The following SNX29 variants were observed in gnomAD, a reference collection of about 807,000 sequenced individuals.
The protein encoded by SNX29 is sorting nexin-29.
In SNX29, 78 loss-of-function variants were observed where a neutral mutation model predicts 102.1. The observed-to-expected ratio is 0.76, with a 90% CI of 0.64 to 0.92. SNX29 has a LOEUF of 0.92. Among genes scored for constraint, SNX29 ranks in the 40% least tolerant of loss-of-function variants. The pLI is 0.00. For synonymous variants in SNX29, 580 were observed against 414.5 expected (o/e 1.40, Z -4.85); for missense variants, 1,280 against 1,061.7 (o/e 1.21, Z -2.86).
Position 12,570,767 on chromosome 16 carries a change from C to T in SNX29, c.*2138C>T, listed in dbSNP as rs538017173. On this transcript the variant is annotated 3_prime_UTR_variant, in exon 21 of 21. Coordinates refer to ENST00000566228, the MANE Select transcript of SNX29 (RefSeq NM_032167.5). ...GAGGAAGCACCTTGGACATTCTGCA[C>T]ATGATAATAATGCAACAGTCCCCCA... The T allele has an allele frequency of 1.0e-4, 19 of 184,464 alleles. No individual in the cohort carries two copies. Among genetic ancestry groups the T allele is most frequent in the Non-Finnish European group, 1.6e-4 (16 of 101,308 alleles). 11.4% of individuals were successfully genotyped at this position (184,464 alleles called of 1,614,324 possible).
At chr16:12,359,481 A>G (rs1258495394) in intron 16 of SNX29, among the ~76,000 whole-genome samples, 4 of 152,184 alleles carry the variant, frequency 2.6e-5, no homozygotes, top group Non-Finnish European at 4.4e-5. Flanking sequence ...ACTGCACAGT[A>G]TTTGGTTTTC....
chr16:12,137,621 C>T (rs1014948321), intron 13 of SNX29, among the ~76,000 whole-genome samples: 1 of 152,230 alleles, frequency 6.6e-6, no homozygotes, highest in African/African-American at 2.4e-5. Context: ...GGCTTTAAAT[C>T]TCACACTCCA....
chr16:12,014,878 C>G (rs1245158948), intron 3 of SNX29, among the ~76,000 whole-genome samples: 1 of 152,092 alleles, frequency 6.6e-6, no homozygotes, highest in Non-Finnish European at 1.5e-5. Flanking sequence ...TATTCTCAAA[C>G]CTTCACACTT....
intron 15 of SNX29, among the ~76,000 whole-genome samples, chr16:12,332,732 C>G (rs2081330666): frequency 6.6e-6 from 1 of 152,188 alleles, no homozygotes; most frequent in Non-Finnish European, 1.5e-5. Context: ...TCCTCCCAGC[C>G]TGATCTCTAG....
chr16:12,035,691 G>C (rs2057454052), intron 4 of SNX29, among the ~76,000 whole-genome samples: 1 of 152,114 alleles, frequency 6.6e-6, no homozygotes, highest in African/African-American at 2.4e-5. Flanking sequence ...GATTCTGTTA[G>C]AGTGTGCCCT....
intron 15 of SNX29, among the ~76,000 whole-genome samples, chr16:12,291,316 T>A (rs1027929576): frequency 3.3e-5 from 5 of 152,216 alleles, no homozygotes; most frequent in African/African-American, 1.2e-4. Flanking sequence ...AAGTCATGTC[T>A]AACATGGATG....
At chr16:12,348,846 C>T (rs1476968388) in intron 15 of SNX29, among the ~76,000 whole-genome samples, 1 of 152,176 alleles carries the variant, frequency 6.6e-6, no homozygotes, top group East Asian at 1.9e-4. Flanking sequence ...CCACTCACCT[C>T]CCAGGGGAGT....
chr16:12,315,733 G>T (rs189749990), intron 15 of SNX29, among the ~76,000 whole-genome samples: 11 of 152,180 alleles, frequency 7.2e-5, no homozygotes, highest in African/African-American at 2.7e-4. Context: ...ACAACCGTCT[G>T]TGGTATTTTG....
intron 14 of SNX29, among the ~76,000 whole-genome samples, chr16:12,261,101 G>A (rs1447249486): frequency 4.8e-5 from 7 of 145,656 alleles, no homozygotes; most frequent in African/African-American, 1.5e-4. Context: ...GCTGAGGTGG[G>A]ATCTGTGCAT....
intron 16 of SNX29, among the ~76,000 whole-genome samples, chr16:12,379,604 C>A (rs2083001984): frequency 6.6e-6 from 1 of 152,146 alleles, no homozygotes; most frequent in Non-Finnish European, 1.5e-5. Context: ...ATTGGGGAAG[C>A]AGTGATAAAG....
intron 13 of SNX29, among the ~76,000 whole-genome samples, chr16:12,186,367 A>G (rs2076510040): frequency 6.6e-6 from 1 of 152,218 alleles, no homozygotes; most frequent in Admixed American, 6.5e-5. Context: ...CTGTATCTAT[A>G]TCTCTGTGTA....
intron 20 of SNX29, among the ~76,000 whole-genome samples, chr16:12,537,464 A>C (rs2077127145): frequency 6.7e-6 from 1 of 149,816 alleles, no homozygotes; most frequent in Admixed American, 6.6e-5. Flanking sequence ...CTGCCTCAGC[A>C]TCCTCATCTA....
chr16:12,566,524 C>G (rs938325881), intron 20 of SNX29, among the ~76,000 whole-genome samples: 10 of 152,208 alleles, frequency 6.6e-5, no homozygotes, highest in African/African-American at 1.7e-4. Context: ...GACCCCGCAT[C>G]TGAAGAGCAT....
chr16:12,165,027 C>T (rs899256244), intron 13 of SNX29, among the ~76,000 whole-genome samples: 5 of 152,094 alleles, frequency 3.3e-5, no homozygotes, highest in Admixed American at 1.3e-4. Context: ...TGTGGCTGTT[C>T]TTGAATTTGC....
At chr16:12,320,720 G>A (rs182603940) in intron 15 of SNX29, among the ~76,000 whole-genome samples, 18 of 152,246 alleles carry the variant, frequency 1.2e-4, no homozygotes, top group Non-Finnish European at 2.1e-4. Context: ...AGATAAATGA[G>A]GCCGATAAGA....
chr16:12,572,003 C>T lies in SNX29; in HGVS notation c.*3374C>T, dbSNP rs757699604. On this transcript the variant is annotated 3_prime_UTR_variant, in exon 21 of 21. Coordinates refer to ENST00000566228, the MANE Select transcript of SNX29 (RefSeq NM_032167.5). Reference sequence around the variant, plus strand: ...CTTCACATCCAGTCACCAGTTGCATCTAGGGAGCTGCTGGCTATAAAAGGG... The same window carrying T: ...CTTCACATCCAGTCACCAGTTGCATTTAGGGAGCTGCTGGCTATAAAAGGG... 1 of 1,062,532 alleles carries T rather than the reference C, an allele frequency of 9.4e-7. No homozygotes were observed. The highest frequency in any genetic ancestry group is 4.6e-5 in the South Asian group (1 of 21,942). The allele number at this position is 1,062,532 out of a possible 1,614,324, so 65.8% of individuals were successfully genotyped here.
chr16:12,504,353 G>C lies in SNX29; in HGVS notation c.2179-20349G>C, dbSNP rs1471426769. ...TTATCACTAGGAGCAATTTTAGAAT[G>C]TTTTCATCACCCGGAAAGAAACTCT... On this transcript the variant is annotated intron_variant, in intron 19 of 20. Coordinates refer to ENST00000566228, the MANE Select transcript of SNX29 (RefSeq NM_032167.5). 2.6e-5 allele frequency among the ~76,000 whole-genome samples: 4 copies of C among 152,006 alleles called. No individual in the cohort carries two copies. The East Asian group carries it at 7.7e-4, about 29-fold the overall frequency.
At chr16:12,010,163 G>C (rs1044356310) in intron 3 of SNX29, among the ~76,000 whole-genome samples, 5 of 152,196 alleles carry the variant, frequency 3.3e-5, no homozygotes, top group Non-Finnish European at 5.9e-5. Context: ...ACATTGCCTG[G>C]CAGGTAGTAA....
intron 19 of SNX29, among the ~76,000 whole-genome samples, chr16:12,519,595 G>A (rs755399439): frequency 1.5e-4 from 23 of 152,186 alleles, no homozygotes; most frequent in South Asian, 4.1e-4. Context: ...ACACCTTAGC[G>A]AAAAGGTAAA....
Sources: allele counts gnomAD v4.1 joint callset (sites outside exome capture counted in the v4.1 genomes callset), GRCh38; gene constraint gnomAD v4.1.1; transcripts MANE v1.5; gene names NCBI Gene and HGNC (gene_info 2026-07-23, HGNC 2026-07-21).